Variants in EPHA6 observed in about 807,000 individuals in gnomAD.
EPHA6 encodes ephrin type-A receptor 6.
In EPHA6, 50 loss-of-function variants were observed where a neutral mutation model predicts 112.0. That is an observed-to-expected ratio of 0.45 (90% CI 0.36 to 0.56). The LOEUF is 0.56. Among genes scored for constraint, EPHA6 ranks in the 20% least tolerant of loss-of-function variants. EPHA6 has a pLI of 0.00. For missense variants in EPHA6, 1,280 were observed against 1,417.4 expected, an observed-to-expected ratio of 0.90 and a Z score of 1.56; for synonymous variants, 529 against 490.7, an observed-to-expected ratio of 1.08 and a Z score of -1.03.
At chr3:97,040,069 A>G (rs2045259430) in intron 3 of EPHA6, among the ~76,000 whole-genome samples, 1 of 151,420 alleles carries the variant, frequency 6.6e-6, no homozygotes, top group Non-Finnish European at 1.5e-5. Context: ...AATTATAATA[A>G]TGATAATTAT....
At chr3:97,292,831 A>G (rs1210801834) in intron 5 of EPHA6, among the ~76,000 whole-genome samples, 1 of 150,588 alleles carries the variant, frequency 6.6e-6, no homozygotes, top group East Asian at 2.0e-4. Context: ...TCCTGCTCTC[A>G]GCAGAGAGGA....
chr3:97,324,294 C>T (rs1253525187), intron 5 of EPHA6, among the ~76,000 whole-genome samples: 1 of 152,008 alleles, frequency 6.6e-6, no homozygotes, highest in Non-Finnish European at 1.5e-5. Context: ...CCTCTGAATA[C>T]ATCTAGATAA....
intron 3 of EPHA6, among the ~76,000 whole-genome samples, chr3:97,177,470 A>T (rs2108442621): frequency 6.6e-6 from 1 of 152,044 alleles, no homozygotes; most frequent in South Asian, 2.1e-4. Context: ...GCTGAAAGTG[A>T]AGTGTTGAAG....
chr3:97,412,758 A>G (rs2087814497), intron 6 of EPHA6, among the ~76,000 whole-genome samples: 1 of 152,072 alleles, frequency 6.6e-6, no homozygotes, highest in South Asian at 2.1e-4. Flanking sequence ...TTGTAAGAAA[A>G]GAGAAAAAAT....
chr3:96,878,810 A>G (rs2037127094), intron 2 of EPHA6, among the ~76,000 whole-genome samples: 1 of 152,056 alleles, frequency 6.6e-6, no homozygotes, highest in African/African-American at 2.4e-5. Flanking sequence ...CTTTTGTCAT[A>G]GAGAAGGAAT....
chr3:97,334,137 T>C (rs890842284), intron 5 of EPHA6, among the ~76,000 whole-genome samples: 34 of 152,134 alleles, frequency 2.2e-4, no homozygotes, highest in Non-Finnish European at 3.4e-4. Context: ...GCTTTATATA[T>C]ATGGAAGAAA....
intron 3 of EPHA6, among the ~76,000 whole-genome samples, chr3:97,144,647 T>C (rs2075995034): frequency 6.6e-6 from 1 of 151,686 alleles, no homozygotes; most frequent in South Asian, 2.1e-4. Flanking sequence ...TAAAAATGTT[T>C]TTTCTTCTAC....
chr3:97,472,763 AT>A (rs2091264071), intron 7 of EPHA6, among the ~76,000 whole-genome samples: 1 of 151,834 alleles, frequency 6.6e-6, no homozygotes, highest in Non-Finnish European at 1.5e-5. Context: ...CAACATTATC[AT>A]TTTACAGACA....
intron 5 of EPHA6, among the ~76,000 whole-genome samples, chr3:97,293,857 A>C (rs746311465): frequency 2.6e-5 from 4 of 152,194 alleles, no homozygotes; most frequent in Non-Finnish European, 5.9e-5. Flanking sequence ...GAGTGCCTGC[A>C]AGCCTGTGCC....
chr3:97,165,966 GTGCA>G (rs1229755402), intron 3 of EPHA6, among the ~76,000 whole-genome samples: 1 of 152,098 alleles, frequency 6.6e-6, no homozygotes, highest in African/African-American at 2.4e-5. Context: ...TTGAAAAGAA[GTGCA>G]TGACTAGATT....
chr3:96,969,247 C>T (rs775697955), intron 2 of EPHA6, among the ~76,000 whole-genome samples: 1 of 151,796 alleles, frequency 6.6e-6, no homozygotes, highest in Non-Finnish European at 1.5e-5. Context: ...TAGAAATATG[C>T]TATACAAAAT....
chr3:96,838,807 G>A (rs1365977490), intron 1 of EPHA6, among the ~76,000 whole-genome samples: 2 of 151,972 alleles, frequency 1.3e-5, no homozygotes, highest in African/African-American at 4.8e-5. Flanking sequence ...ACTTATATGT[G>A]AATGGTACAT....
intron 3 of EPHA6, among the ~76,000 whole-genome samples, chr3:97,183,076 C>T (rs1297887472): frequency 4.0e-5 from 6 of 151,774 alleles, no homozygotes; most frequent in Admixed American, 2.0e-4. Context: ...AAATGGTGTA[C>T]ATCTCTTTTA....
intron 3 of EPHA6, among the ~76,000 whole-genome samples, chr3:97,205,010 G>A (rs1005215242): frequency 6.6e-6 from 1 of 152,056 alleles, no homozygotes; most frequent in African/African-American, 2.4e-5. Flanking sequence ...TTATAGGTTT[G>A]TAACTCTTGC....
At chr3:97,032,614 T>C (rs2044909133) in intron 3 of EPHA6, among the ~76,000 whole-genome samples, 1 of 151,994 alleles carries the variant, frequency 6.6e-6, no homozygotes, top group Admixed American at 6.6e-5. Context: ...AGTGGGCTTT[T>C]GAAATACGAA....
At chr3:97,345,915 C>A (rs999124358) in intron 5 of EPHA6, among the ~76,000 whole-genome samples, 1 of 151,808 alleles carries the variant, frequency 6.6e-6, no homozygotes, top group African/African-American at 2.4e-5. Context: ...GCCTTAATAC[C>A]CACTGGCATT....
intron 2 of EPHA6, among the ~76,000 whole-genome samples, chr3:96,970,729 T>C (rs1326430290): frequency 6.6e-6 from 1 of 152,120 alleles, no homozygotes; most frequent in Non-Finnish European, 1.5e-5. Flanking sequence ...GCTTACGGTC[T>C]ACGTAAATTT....
At chr3:97,721,935 G>T (rs191768678) in intron 15 of EPHA6, among the ~76,000 whole-genome samples, 231 of 152,224 alleles carry the variant, frequency 1.5e-3, no homozygotes, top group African/African-American at 5.4e-3. Context: ...TAAAAGCCCT[G>T]GTTTCAGTCA....
At chr3:97,032,354 C>T (rs572643273) in intron 3 of EPHA6, among the ~76,000 whole-genome samples, 3 of 151,974 alleles carry the variant, frequency 2.0e-5, no homozygotes, top group South Asian at 4.2e-4. Flanking sequence ...TGCTAAATGA[C>T]GAGTTAATGG....
Sources: allele counts gnomAD v4.1 joint callset (sites outside exome capture counted in the v4.1 genomes callset), GRCh38; gene constraint gnomAD v4.1.1; transcripts MANE v1.5; gene names NCBI Gene and HGNC (gene_info 2026-07-23, HGNC 2026-07-21).